The following MGA variants were observed in gnomAD, a reference collection of about 807,000 sequenced individuals.
The protein encoded by MGA is MAX dimerization protein MGA.
Under a neutral mutation model 261.1 loss-of-function variants are expected in MGA, and 40 were observed. The observed-to-expected ratio is 0.15, with a 90% CI of 0.12 to 0.20. The LOEUF (loss-of-function observed/expected upper bound fraction) is 0.20. Among genes scored for constraint, MGA ranks in the 10% least tolerant of loss-of-function variants. The pLI is 1.00. For synonymous variants in MGA, 1,302 were observed against 1,290.6 expected (o/e 1.01, Z -0.19); for missense variants, 3,397 against 3,630.5 (o/e 0.94, Z 1.65).
chr15:41,661,913 G>A (rs1268005822), intron 1 of MGA, among the ~76,000 whole-genome samples: 3 of 152,110 alleles, frequency 2.0e-5, no homozygotes, highest in Non-Finnish European at 4.4e-5. Context: ...GGTTCCGGCC[G>A]GCGGCACGTG....
chr15:41,750,281 T>G lies in MGA; in HGVS notation c.6674T>G (p.Leu2225Arg). The G allele has an allele frequency of 2.5e-6, 4 of 1,614,012 alleles. No individual in the cohort carries two copies. Among genetic ancestry groups the G allele is most frequent in the Non-Finnish European group, 3.4e-6 (4 of 1,179,892 alleles). ...CAAGAACAAGGCATCTCTGACTTAC[T>G]TGGAAAAAGTGGAATTACTGAAGAT... Residue 2225 changes from leucine to arginine, a missense_variant, in exon 17 of 24, where the codon CTT becomes CGT. Coordinates refer to ENST00000219905, the MANE Select transcript of MGA (RefSeq NM_001164273.2).
rs1454972852 is a variant in MGA at position 41,767,072 on chromosome 15, C to T, written c.8990C>T (p.Ala2997Val). 6.2e-7 allele frequency: 1 copy of T among 1,614,028 alleles called. No individual in the cohort carries two copies. The highest frequency in any genetic ancestry group is 8.5e-7 in the Non-Finnish European group (1 of 1,179,890). Reference sequence around the variant, plus strand: ...TTGGCCCCTCTAGGTTTAAAAGTAGCTAATCCTTCCAGTGATGCAGATGGT... The same window carrying T: ...TTGGCCCCTCTAGGTTTAAAAGTAGTTAATCCTTCCAGTGATGCAGATGGT... The change falls in exon 24 of 24, where the codon GCT (alanine) becomes GTT (valine). Residue 2997 changes from alanine (A) to valine (V), a missense_variant. Around this residue, in one of 9 missense-constraint regions of MGA, gnomAD observed 647 missense variants for 642.4 expected, o/e 1.01. Coordinates refer to ENST00000219905, the MANE Select transcript of MGA (RefSeq NM_001164273.2).
rs3803347 is a variant in MGA at position 41,749,828 on chromosome 15, G to T, written c.6221G>T (p.Arg2074Leu). ...AATGAAGAATATGGGGCTAGGAATC[G>T]TAAGAGTTCCAAAGAAAAAGTGGCT... The change falls in exon 17 of 24, where the codon CGT (arginine) becomes CTT (leucine). Residue 2074 changes from arginine to leucine, a missense_variant. Physicochemically the swap from Arg to Leu is moderately radical, Grantham distance 102. This residue lies in a region of MGA where 1,410 missense variants were observed against 1,386.4 expected (regional missense o/e 1.02). Coordinates refer to ENST00000219905, the MANE Select transcript of MGA (RefSeq NM_001164273.2). 3.7e-6 allele frequency: 6 copies of T among 1,613,808 alleles called. No individual in the cohort carries two copies. Among genetic ancestry groups the T allele is most frequent in the African/African-American group, 2.7e-5 (2 of 74,914 alleles).
intron 17 of MGA, among the ~76,000 whole-genome samples, chr15:41,753,942 C>T (rs2062995445): frequency 6.6e-6 from 1 of 152,080 alleles, no homozygotes; most frequent in African/African-American, 2.4e-5. Context: ...TGTTTTGAGA[C>T]AGTCTTACTC....
chr15:41,731,672 A>G (rs1595896207), intron 11 of MGA, among the ~76,000 whole-genome samples: 1 of 152,250 alleles, frequency 6.6e-6, no homozygotes, highest in East Asian at 1.9e-4. Context: ...GAATAAAGAC[A>G]CAAGAAATTA....
rs1478894787 is a variant in MGA, at chr15:41,766,151, A to G, written c.8069A>G (p.Asn2690Ser). The change falls in exon 24 of 24, where the codon AAT (asparagine) becomes AGT (serine). Residue 2690 changes from asparagine to serine, a missense_variant. Physicochemically the swap from Asn to Ser is conservative, Grantham distance 46. Transcript: ENST00000219905. ...GACCATCTGAAAGACACCGTCAGGA[A>G]TGAAGATAATTCCTTAGAGGATAAG... The G allele has an allele frequency of 6.2e-7, 1 of 1,614,058 alleles. No individual in the cohort carries two copies. Among genetic ancestry groups the G allele is most frequent in the South Asian group, 1.1e-5 (1 of 91,088 alleles).
In MGA at chr15:41,711,076, G is replaced by A; in HGVS notation, c.2811G>A (p.Lys937=). 1 of 1,614,024 alleles carries A rather than the reference G, an allele frequency of 6.2e-7. No individual in the cohort carries two copies. Among genetic ancestry groups the A allele is most frequent in the Non-Finnish European group, 8.5e-7 (1 of 1,179,896 alleles). ...ACTCTCATGTGATTCTAGGAGATAAGGTTACCAAGAATTCTTCAGGCATCA... is the reference window on the plus strand; with the variant it reads ...ACTCTCATGTGATTCTAGGAGATAAAGTTACCAAGAATTCTTCAGGCATCA... Residue 937 remains lysine, a synonymous_variant, in exon 8 of 24, where the codon AAG becomes AAA. Coordinates refer to ENST00000219905, the MANE Select transcript of MGA (RefSeq NM_001164273.2).
intron 19 of MGA, among the ~76,000 whole-genome samples, chr15:41,758,180 A>T (rs2063253240): frequency 6.6e-6 from 1 of 152,102 alleles, no homozygotes; most frequent in African/African-American, 2.4e-5. Flanking sequence ...ATTTTAAGTG[A>T]TTTAAAAAAC....
At chr15:41,741,598 T>C (rs1000882411) in intron 14 of MGA, among the ~76,000 whole-genome samples, 3 of 152,220 alleles carry the variant, frequency 2.0e-5, no homozygotes, top group Admixed American at 1.3e-4. Context: ...CCTCTCATTT[T>C]CTTTTATCTG....
chr15:41,758,776 T>TA (rs1175570465), intron 19 of MGA, among the ~76,000 whole-genome samples: 26 of 152,304 alleles, frequency 1.7e-4, no homozygotes, highest in African/African-American at 6.3e-4. Flanking sequence ...GCTTTTACAT[T>TA]AGAGTTTTTG....
At chr15:41,762,462 T>G (rs1282825508) in intron 22 of MGA, 100 bp downstream of exon 22, 3 of 66,084 alleles carry the variant, frequency 4.5e-5, no homozygotes, top group Admixed American at 5.2e-4. Context: ...TTTTGTGTGG[T>G]TTTTTTTTTT....
At chr15:41,737,043 A>T (rs1441835609) in intron 13 of MGA, among the ~76,000 whole-genome samples, 1 of 152,226 alleles carries the variant, frequency 6.6e-6, no homozygotes, top group East Asian at 1.9e-4. Context: ...CTTGGAATTT[A>T]TTATTAGCAG....
intron 17 of MGA, 94 bp from the exon 18 acceptor site, chr15:41,754,343 C>A: frequency 8.9e-7 from 1 of 1,125,278 alleles, no homozygotes; most frequent in Non-Finnish European, 1.2e-6. Context: ...GAATGTCTGG[C>A]ATTAGTTGGT....
chr15:41,704,308 AAG>A, intron 5 of MGA, among the ~76,000 whole-genome samples: 1 of 152,096 alleles, frequency 6.6e-6, no homozygotes, highest in Non-Finnish European at 1.5e-5. Context: ...CTGGAATTAC[AAG>A]TGTGAGCCAT....
chr15:41,752,559 T>G (rs1465886117), intron 17 of MGA, among the ~76,000 whole-genome samples: 4 of 147,926 alleles, frequency 2.7e-5, no homozygotes, highest in East Asian at 2.0e-4. Context: ...GTTTTTTTTT[T>G]TTTTTTTTTT....
rs762862004 is a variant in MGA, at chr15:41,699,061, T to C, written c.2093-3T>C. The C allele has an allele frequency of 5.0e-5, 81 of 1,608,092 alleles. No homozygotes were observed. The highest frequency in any genetic ancestry group is 6.6e-5 in the Non-Finnish European group (78 of 1,176,702). On this transcript the variant is annotated splice_polypyrimidine_tract_variant and splice_region_variant and intron_variant, in intron 4 of 23. Coordinates refer to ENST00000219905, the MANE Select transcript of MGA (RefSeq NM_001164273.2). ...ATTTTATTACTATTTATTTTGGGTG[T>C]AGGTTACAGAGCAAGAATTTCCCAG... is the stretch of plus-strand genomic sequence containing the variant.
Position 41,766,824 on chromosome 15 carries a change from A to G in MGA, c.8742A>G (p.Lys2914=), listed in dbSNP as rs772089726. 10 of 1,613,966 alleles carry G rather than the reference A, an allele frequency of 6.2e-6. No homozygotes were observed. Among genetic ancestry groups the G allele is most frequent in the Non-Finnish European group, 8.5e-6 (10 of 1,179,876 alleles). ...ACGATGACTTTTCTGAGAATGAAAA[A>G]CAACTTGCAGAACCAGCCTCTGAGC... is the stretch of plus-strand genomic sequence containing the variant. The change falls in exon 24 of 24, where the codon AAA becomes AAG. Residue 2914 remains lysine, a synonymous_variant. Coordinates refer to ENST00000219905, the MANE Select transcript of MGA (RefSeq NM_001164273.2).
At chr15:41,718,684 A>G (rs977283200) in intron 9 of MGA, 1 of 243,082 alleles carries the variant, frequency 4.1e-6, no homozygotes, top group Admixed American at 5.5e-5. Context: ...GCTCCACCTG[A>G]TTAAGAGATA....
At chr15:41,733,083 C>T (rs1192836818) in intron 11 of MGA, among the ~76,000 whole-genome samples, 2 of 152,120 alleles carry the variant, frequency 1.3e-5, no homozygotes, top group African/African-American at 4.8e-5. Flanking sequence ...CTCAGTCTCC[C>T]GAGTAGCTGG....
Sources: allele counts gnomAD v4.1 joint callset (sites outside exome capture counted in the v4.1 genomes callset), GRCh38; gene constraint gnomAD v4.1.1; regional missense constraint gnomAD v4.1.1; transcripts MANE v1.5; gene names NCBI Gene and HGNC (gene_info 2026-07-23, HGNC 2026-07-21).